Variants in STIM1 observed in about 807,000 individuals in gnomAD.
The protein encoded by STIM1 is stromal interaction molecule 1.
STIM1 carries 25 observed loss-of-function variants against 74.7 expected under a neutral mutation model. That is an observed-to-expected ratio of 0.33 (90% CI 0.24 to 0.47). The LOEUF (loss-of-function observed/expected upper bound fraction) is 0.47. Ranked by LOEUF, STIM1 falls within the 20% of genes least tolerant of loss-of-function variation. The pLI is 1.00. For synonymous variants in STIM1, 328 were observed against 348.8 expected (o/e 0.94, Z 0.66); for missense variants, 728 against 920.8 (o/e 0.79, Z 2.71).
intron 4 of STIM1, among the ~76,000 whole-genome samples, chr11:4,058,233 C>A (rs903045415): frequency 4.6e-5 from 7 of 152,164 alleles, no homozygotes; most frequent in African/African-American, 1.7e-4. Flanking sequence ...AGGAACAAAG[C>A]AACTTATGAT....
intron 1 of STIM1, among the ~76,000 whole-genome samples, chr11:3,937,918 G>C (rs548570349): frequency 6.6e-6 from 1 of 151,652 alleles, no homozygotes; most frequent in Non-Finnish European, 1.5e-5. Context: ...CTAGGATCTT[G>C]AGTCTGTTAG....
chr11:4,091,174 C>T (rs1288936643), intron 12 of STIM1, 108 bp from the exon 13 acceptor site: 9 of 1,508,230 alleles, frequency 6.0e-6, no homozygotes, highest in Non-Finnish European at 8.2e-6. Flanking sequence ...TCCCCATTTT[C>T]CTACCCTGTC....
At chr11:3,894,222 T>C (rs1373163208) in intron 1 of STIM1, among the ~76,000 whole-genome samples, 1 of 152,240 alleles carries the variant, frequency 6.6e-6, no homozygotes, top group Admixed American at 6.5e-5. Flanking sequence ...ACTTGTAATA[T>C]GTTTTAAACT....
intron 5 of STIM1, among the ~76,000 whole-genome samples, chr11:4,062,732 G>A (rs1334893723): frequency 6.6e-6 from 1 of 152,070 alleles, no homozygotes; most frequent in African/African-American, 2.4e-5. Context: ...TCATTATCAG[G>A]GCAATGCAAA....
intron 6 of STIM1, among the ~76,000 whole-genome samples, chr11:4,071,543 T>A (rs541116970): frequency 3.5e-4 from 53 of 152,208 alleles, no homozygotes; most frequent in African/African-American, 1.2e-3. Context: ...GGGGTCTTGC[T>A]GTGTTGCCCA....
At chr11:3,932,180 C>T (rs1413428769) in intron 1 of STIM1, among the ~76,000 whole-genome samples, 2 of 152,142 alleles carry the variant, frequency 1.3e-5, no homozygotes, top group African/African-American at 2.4e-5. Context: ...GACTCTCTTC[C>T]GTGTATGTAA....
intron 2 of STIM1, among the ~76,000 whole-genome samples, chr11:3,976,175 AGCAAAAACAAAAG>A (rs2093446663): frequency 6.6e-6 from 1 of 152,222 alleles, no homozygotes; most frequent in Non-Finnish European, 1.5e-5. Flanking sequence ...TGTGGGGAAA[AGCAAAAACAAAAG>A]GCAAAAACAA....
intron 1 of STIM1, among the ~76,000 whole-genome samples, chr11:3,956,548 G>GTAACTTT (rs201739903): frequency 0.029 from 4,367 of 152,112 alleles, 179 homozygotes; most frequent in East Asian, 0.17. Flanking sequence ...TTTAGGACTT[G>GTAACTTT]GTAATAGTAA....
chr11:3,918,626 G>A (rs2092681078), intron 1 of STIM1, among the ~76,000 whole-genome samples: 2 of 152,046 alleles, frequency 1.3e-5, no homozygotes, highest in Non-Finnish European at 2.9e-5. Context: ...TATGATTTTG[G>A]CTTGGGTCCT....
At chr11:4,074,110 T>C (rs2094422805) in intron 6 of STIM1, among the ~76,000 whole-genome samples, 1 of 152,236 alleles carries the variant, frequency 6.6e-6, no homozygotes, top group South Asian at 2.1e-4. Context: ...CAGTTCTTCC[T>C]ACAAGTTGCA....
chr11:4,000,130 C>T lies in STIM1; in HGVS notation c.271-23743C>T, dbSNP rs531530562. ...CCACGGCTCAAGGAGGCCTGCCTGC[C>T]TCTGTAGGCTCCACCTCTGGGGGCA... On this transcript the variant is annotated intron_variant, in intron 2 of 12. Coordinates refer to ENST00000526596, the MANE Select transcript of STIM1 (RefSeq NM_001382567.1). 6.0e-3 allele frequency among the ~76,000 whole-genome samples: 913 copies of T among 151,968 alleles called. 6 individuals carry two copies. Among genetic ancestry groups the T allele is most frequent in the South Asian group, 0.014 (68 of 4,786 alleles).
chr11:4,048,933 C>A (rs1210037650), intron 3 of STIM1, among the ~76,000 whole-genome samples: 2 of 152,118 alleles, frequency 1.3e-5, no homozygotes, highest in Non-Finnish European at 2.9e-5. Context: ...GGGGTTTCAC[C>A]ATGTTGGCCA....
At chr11:4,076,736 T>A (rs1195815523) in intron 7 of STIM1, among the ~76,000 whole-genome samples, 3 of 150,856 alleles carry the variant, frequency 2.0e-5, no homozygotes, top group Non-Finnish European at 4.4e-5. Context: ...TTTTTTTTTT[T>A]ATTTTTCAGG....
At chr11:3,917,039 G>A (rs992103006) in intron 1 of STIM1, among the ~76,000 whole-genome samples, 6 of 152,226 alleles carry the variant, frequency 3.9e-5, no homozygotes, top group African/African-American at 1.4e-4. Flanking sequence ...GCATTTGATA[G>A]GTTTAGGGGC....
intron 1 of STIM1, among the ~76,000 whole-genome samples, chr11:3,908,247 T>C (rs1287815112): frequency 2.0e-5 from 3 of 152,234 alleles, no homozygotes; most frequent in Non-Finnish European, 4.4e-5. Flanking sequence ...TGATGCTTTA[T>C]ATATATTTGT....
intron 12 of STIM1, among the ~76,000 whole-genome samples, chr11:4,090,341 C>T (rs2094516645): frequency 6.6e-6 from 1 of 152,184 alleles, no homozygotes; most frequent in South Asian, 2.1e-4. Flanking sequence ...CTCTTCTGAA[C>T]CACTGCTCTT....
Position 4,032,819 on chromosome 11 carries a change from C to A in STIM1, c.385+8832C>A, listed in dbSNP as rs544834311. On this transcript the variant is annotated intron_variant, in intron 3 of 12. Coordinates refer to ENST00000526596, the MANE Select transcript of STIM1 (RefSeq NM_001382567.1). ...TAAAATCATGGTAAAATACATATAA[C>A]AAAATTTACTATGTAAATGGTATTT... Among the ~76,000 whole-genome samples the A allele has an allele frequency of 1.3e-3, 194 of 152,236 alleles. 1 individual carries two copies. Among genetic ancestry groups the A allele is most frequent in the African/African-American group, 4.4e-3 (184 of 41,534 alleles).
intron 3 of STIM1, among the ~76,000 whole-genome samples, chr11:4,042,978 G>T (rs1392415354): frequency 6.6e-6 from 1 of 152,158 alleles, no homozygotes. Context: ...TATTCCTAGT[G>T]CCTGGTCTCA....
chr11:3,943,281 A>G (rs754216987), intron 1 of STIM1, among the ~76,000 whole-genome samples: 53 of 152,190 alleles, frequency 3.5e-4, no homozygotes, highest in Non-Finnish European at 6.6e-4. Flanking sequence ...CTAGTAGAAA[A>G]TGGGGACTAC....
Sources: allele counts gnomAD v4.1 joint callset (sites outside exome capture counted in the v4.1 genomes callset), GRCh38; gene constraint gnomAD v4.1.1; transcripts MANE v1.5; gene names NCBI Gene and HGNC (gene_info 2026-07-23, HGNC 2026-07-21).